CA1: variants seen among roughly 807,000 people sequenced by gnomAD.
The protein encoded by CA1 is carbonate dehydratase I.
CA1 carries 27 observed loss-of-function variants against 28.8 expected under a neutral mutation model. The ratio of observed to expected loss-of-function variants is 0.94; its 90% CI spans 0.69 to 1.29. The LOEUF is 1.29. Among genes scored for constraint, CA1 ranks in the 50% most tolerant of loss-of-function variants. The pLI, the probability that CA1 is intolerant of heterozygous loss-of-function variation, is 0.00. For missense variants in CA1, 335 were observed against 310.5 expected (o/e 1.08, Z -0.59); for synonymous variants, 121 against 108.8 (o/e 1.11, Z -0.70).
intron 1 of CA1, among the ~76,000 whole-genome samples, chr8:85,349,258 G>T (rs1009462863): frequency 2.6e-5 from 4 of 151,996 alleles, no homozygotes; most frequent in Non-Finnish European, 4.4e-5. Flanking sequence ...AAGTTCGGAG[G>T]CTGAGAAAAA....
intron 1 of CA1, among the ~76,000 whole-genome samples, chr8:85,375,622 G>T (rs1412414919): frequency 1.3e-5 from 2 of 152,156 alleles, no homozygotes; most frequent in Non-Finnish European, 2.9e-5. Flanking sequence ...AGATCTACAT[G>T]CTCTAAATGA....
chr8:85,346,959 A>C (rs930147732), intron 1 of CA1, among the ~76,000 whole-genome samples: 1 of 152,162 alleles, frequency 6.6e-6, no homozygotes, highest in Non-Finnish European at 1.5e-5. Flanking sequence ...ACTAAATCCT[A>C]TATGTAAATA....
intron 1 of CA1, among the ~76,000 whole-genome samples, chr8:85,362,264 T>G (rs183421545): frequency 6.6e-6 from 1 of 152,344 alleles, no homozygotes; most frequent in Non-Finnish European, 1.5e-5. Context: ...CAGGCCCATC[T>G]GGATGAATCA....
intron 1 of CA1, among the ~76,000 whole-genome samples, chr8:85,372,242 A>G (rs1379141737): frequency 6.6e-6 from 1 of 152,154 alleles, no homozygotes; most frequent in Non-Finnish European, 1.5e-5. Flanking sequence ...CCCTCTTTAA[A>G]AAAGAATGCA....
chr8:85,332,036 A>G (rs371385460), intron 6 of CA1, among the ~76,000 whole-genome samples: 1 of 152,184 alleles, frequency 6.6e-6, no homozygotes, highest in Non-Finnish European at 1.5e-5. Context: ...AATAAAGCTA[A>G]GTTTGTATAT....
At chr8:85,377,497 A>G (rs1190947157) in intron 1 of CA1, among the ~76,000 whole-genome samples, 1 of 152,212 alleles carries the variant, frequency 6.6e-6, no homozygotes, top group Non-Finnish European at 1.5e-5. Flanking sequence ...TTAGTCATGG[A>G]ATAATTTTAA....
Position 85,337,064 on chromosome 8 carries a change from C to A in CA1, c.236-1G>T, listed in dbSNP as rs1808690966. The A allele has an allele frequency of 6.4e-7, 1 of 1,573,720 alleles. No individual in the cohort carries two copies. The highest frequency in any genetic ancestry group is 8.7e-7 in the Non-Finnish European group (1 of 1,143,420). ...TCAGAGAAAGGACCACCTTTCAGCA[C>A]TGGAAGAAAAGGGAACCGATTGTTA... On this transcript the variant is annotated splice_acceptor_variant, in intron 3 of 7. Transcript: ENST00000523022. LOFTEE classifies it high-confidence loss of function.
In CA1 at chr8:85,333,633, C is replaced by A; in HGVS notation, c.355-13G>T. The stretch of plus-strand genomic sequence containing the variant: ...GAGCTACGTGAAGCTAAAAATGATA[C>A]TATGGTTAATTAATTATTTATACCA... On this transcript the variant is annotated splice_polypyrimidine_tract_variant and intron_variant, in intron 4 of 7. Coordinates refer to ENST00000523022, the MANE Select transcript of CA1 (RefSeq NM_001128831.4). The A allele has an allele frequency of 6.5e-7, 1 of 1,527,926 alleles. No homozygotes were observed. The allele number at this position is 1,527,926 out of a possible 1,614,324, so 94.6% of individuals were successfully genotyped here. A position where few individuals can be genotyped will look rare whatever the true frequency, so the allele number is the denominator to read the frequency against.
chr8:85,348,854 A>G (rs987770985), intron 1 of CA1, among the ~76,000 whole-genome samples: 1 of 152,150 alleles, frequency 6.6e-6, no homozygotes, highest in Non-Finnish European at 1.5e-5. Context: ...GATGGCTTTT[A>G]TTTTTTACTG....
At chr8:85,366,102 G>A (rs1585964671) in intron 1 of CA1, among the ~76,000 whole-genome samples, 1 of 151,618 alleles carries the variant, frequency 6.6e-6, no homozygotes, top group East Asian at 1.9e-4. Context: ...GCAACTTTGA[G>A]CAGAACTATT....
At chr8:85,335,656 G>A (rs1397056368) in intron 4 of CA1, among the ~76,000 whole-genome samples, 1 of 152,014 alleles carries the variant, frequency 6.6e-6, no homozygotes, top group East Asian at 1.9e-4. Context: ...TATCTAGCAT[G>A]GATTATATTG....
At chr8:85,346,385 A>G (rs1024159468) in intron 1 of CA1, among the ~76,000 whole-genome samples, 1 of 152,238 alleles carries the variant, frequency 6.6e-6, no homozygotes, top group Non-Finnish European at 1.5e-5. Context: ...TGGGAAATTA[A>G]TGAGTCTTAT....
chr8:85,366,204 G>A (rs1810001690), intron 1 of CA1, among the ~76,000 whole-genome samples: 1 of 144,396 alleles, frequency 6.9e-6, no homozygotes, highest in Non-Finnish European at 1.5e-5. Flanking sequence ...GTAGAGATGA[G>A]GTCCCACTAT....
chr8:85,338,636 C>CTTTCTTTCT, intron 2 of CA1, among the ~76,000 whole-genome samples, 187 bp from the exon 3 acceptor site: 1 of 3,846 alleles, frequency 2.6e-4, no homozygotes, highest in South Asian at 2.8e-3. Flanking sequence ...CCTTCTTTTT[C>CTTTCTTTCT]TTTCTTTCTT....
rs202131223 is a variant in CA1 at position 85,336,947 on chromosome 8, C to A, written c.352G>T (p.Glu118Ter). 2 of 1,573,872 alleles carry A rather than the reference C, an allele frequency of 1.3e-6. No individual in the cohort carries two copies. The highest frequency in any genetic ancestry group is 8.7e-7 in the Non-Finnish European group (1 of 1,143,486). Residue 118 changes from glutamate (E) to a stop codon, truncating the protein, a stop_gained and splice_region_variant, in exon 4 of 8, where the codon GAG becomes TAG. Coordinates refer to ENST00000523022, the MANE Select transcript of CA1 (RefSeq NM_001128831.4). LOFTEE classifies it high-confidence loss of function. The part of the protein sequence containing the change: ...HTVDGVKYSA[E>*]LHVAHWNSAK... ...TCTCACTTACTAAATTACATTACCT[C>A]GGCAGAATATTTGACTCCATCCACT... is the stretch of plus-strand genomic sequence containing the variant.
chr8:85,355,587 G>C (rs1252891132), intron 1 of CA1, among the ~76,000 whole-genome samples: 7 of 134,242 alleles, frequency 5.2e-5, no homozygotes, highest in African/African-American at 2.0e-4. Flanking sequence ...TTTCAGTAGA[G>C]ACAGAGTCTT....
At chr8:85,357,304 G>A (rs1229178125) in intron 1 of CA1, among the ~76,000 whole-genome samples, 1 of 152,104 alleles carries the variant, frequency 6.6e-6, no homozygotes, top group Non-Finnish European at 1.5e-5. Flanking sequence ...CAACGTGTCT[G>A]GTAGGAAGAT....
At chr8:85,344,422 G>T (rs1809096862) in intron 1 of CA1, among the ~76,000 whole-genome samples, 1 of 146,184 alleles carries the variant, frequency 6.8e-6, no homozygotes, top group Non-Finnish European at 1.5e-5. Context: ...ACTAAATTTA[G>T]GGTACTAAAT....
At chr8:85,349,631 T>A (rs1809330660) in intron 1 of CA1, among the ~76,000 whole-genome samples, 1 of 152,138 alleles carries the variant, frequency 6.6e-6, no homozygotes, top group Non-Finnish European at 1.5e-5. Flanking sequence ...ATGCTGTGGT[T>A]TTTGCATCTC....
Sources: gnomAD v4.1 joint callset for allele counts (sites outside exome capture counted in the v4.1 genomes callset) on GRCh38, gnomAD v4.1.1 for gene constraint, MANE v1.5 for transcripts, NCBI Gene and HGNC (gene_info 2026-07-23, HGNC 2026-07-21) for gene names.